The following FLG2 variants were observed in gnomAD, a reference collection of about 807,000 sequenced individuals.
The protein encoded by FLG2 is filaggrin-2.
Under a neutral mutation model 3.9 loss-of-function variants are expected in FLG2, and 7 were observed. The ratio of observed to expected loss-of-function variants is 1.79; its 90% CI spans 1.02 to 3.36. The LOEUF is 3.36. Ranked by LOEUF, FLG2 falls within the 30% of genes most tolerant of loss-of-function variation. The pLI is 0.00. For synonymous variants in FLG2, 1,031 were observed against 1,056.1 expected, an observed-to-expected ratio of 0.98 and a Z score of 0.46; for missense variants, 2,700 against 2,809.4, an observed-to-expected ratio of 0.96 and a Z score of 0.88.
In FLG2 at chr1:152,353,761, C is replaced by T. The variant is rs777832175; in HGVS notation, c.4025G>A (p.Arg1342Lys). The T allele has an allele frequency of 6.2e-6, 10 of 1,614,044 alleles. No homozygotes were observed. The African/African-American group carries it at 1.1e-4, about 17-fold the overall frequency. The change falls in exon 3 of 3, where the codon AGA becomes AAA. Residue 1342 changes from arginine (R) to lysine (K), a missense_variant. Coordinates refer to ENST00000388718, the MANE Select transcript of FLG2 (RefSeq NM_001014342.3). ...GGCATCACTGTGGCTAAATCTCTGTCTTCCAGATGTTCTGGAACCTGTCTG... is the reference window on the plus strand; with the variant it reads ...GGCATCACTGTGGCTAAATCTCTGTTTTCCAGATGTTCTGGAACCTGTCTG... ...STQTGSRTSG[R>K]QRFSHSDATD...
In FLG2 at chr1:152,358,759, A is replaced by G; in HGVS notation, c.126T>C (p.His42=). Residue 42 remains histidine (H), a synonymous_variant, in exon 2 of 3, where the codon CAT becomes CAC. Coordinates refer to ENST00000388718, the MANE Select transcript of FLG2 (RefSeq NM_001014342.3). The part of the protein sequence containing the change: ...ELKELLEKEL[H]PVLKNPDDPD... ...ACATGGCTCTCACCTTCAGAACTGGATGAAGCTCTTTCTCCAGAAGTTCCT... is the reference window on the plus strand; with the variant it reads ...ACATGGCTCTCACCTTCAGAACTGGGTGAAGCTCTTTCTCCAGAAGTTCCT... 6.2e-7 allele frequency: 1 copy of G among 1,613,530 alleles called. No homozygotes were observed. Among genetic ancestry groups the G allele is most frequent in the Non-Finnish European group, 8.5e-7 (1 of 1,179,746 alleles).
rs1653831189 is a variant in FLG2 at position 152,349,581 on chromosome 1, G to A, written c.*1029C>T. The stretch of plus-strand genomic sequence containing the variant: ...ACATATACCCTTACTACCAAAAGAG[G>A]AGATCATGTTAAATACCTTAATTTC... On this transcript the variant is annotated 3_prime_UTR_variant, in exon 3 of 3. Coordinates refer to ENST00000388718, the MANE Select transcript of FLG2 (RefSeq NM_001014342.3). 1 of 152,602 alleles carries A rather than the reference G, an allele frequency of 6.6e-6. No homozygotes were observed. Among genetic ancestry groups the A allele is most frequent in the African/African-American group, 2.4e-5 (1 of 41,436 alleles). 9.5% of individuals were successfully genotyped at this position (152,602 alleles called of 1,614,324 possible).
In FLG2 at chr1:152,352,129, C is replaced by T. The variant is rs1260904440; in HGVS notation, c.5657G>A (p.Ser1886Asn). 6.2e-7 allele frequency: 1 copy of T among 1,613,820 alleles called. No homozygotes were observed. Among genetic ancestry groups the T allele is most frequent in the Non-Finnish European group, 8.5e-7 (1 of 1,179,958 alleles). The change falls in exon 3 of 3, where the codon AGT (serine) becomes AAT (asparagine). Residue 1886 changes from serine to asparagine, a missense_variant. Transcript: ENST00000388718. ...ATGTGAGCCCCCTGAGTGCACTTCA[C>T]TGTCACTGGACTCACTGTGGCCAGA... is the stretch of plus-strand genomic sequence containing the variant. Reference protein sequence around the residue: ...RRSGHSESSDSEVHSGGSHTH... With the variant: ...RRSGHSESSDNEVHSGGSHTH...
At position 152,355,605 on chromosome 1, in the gene FLG2, A is replaced by T; in HGVS notation, c.2181T>A (p.Gly727=). The change falls in exon 3 of 3, where the codon GGT becomes GGA. Residue 727 remains glycine, a synonymous_variant. Coordinates refer to ENST00000388718, the MANE Select transcript of FLG2 (RefSeq NM_001014342.3). ...SGFGQHELSS[G]QSSSFGQHGS... Reference sequence around the variant, plus strand: ...CATGTTGGCCAAAGCTGGAAGACTGACCTGAGCTTAACTCGTGTTGTCCAA... The same window carrying T: ...CATGTTGGCCAAAGCTGGAAGACTGTCCTGAGCTTAACTCGTGTTGTCCAA... 6.2e-7 allele frequency: 1 copy of T among 1,613,090 alleles called. No homozygotes were observed. The highest frequency in any genetic ancestry group is 1.7e-5 in the Admixed American group (1 of 59,926).
chr1:152,353,604 C>A lies in FLG2; in HGVS notation c.4182G>T (p.Gln1394His), dbSNP rs1198235921. 2 of 1,613,960 alleles carry A rather than the reference C, an allele frequency of 1.2e-6. No individual in the cohort carries two copies. The highest frequency in any genetic ancestry group is 1.1e-5 in the South Asian group (1 of 91,078). The part of the protein sequence containing the change: ...VHERHETTYG[Q>H]TGEATGHGHS... Reference sequence around the variant, plus strand: ...GGCCATGTCCAGTGGCCTCTCCTGTCTGTCCATAAGTAGTTTCATGTCTCT... The same window carrying A: ...GGCCATGTCCAGTGGCCTCTCCTGTATGTCCATAAGTAGTTTCATGTCTCT... Residue 1394 changes from glutamine to histidine, a missense_variant, in exon 3 of 3, where the codon CAG becomes CAT. Transcript: ENST00000388718.
intron 1 of FLG2, 67 bp from the exon 2 acceptor site, chr1:152,358,973 A>C: frequency 7.1e-7 from 1 of 1,402,902 alleles, no homozygotes; most frequent in Non-Finnish European, 9.6e-7. Flanking sequence ...TTTTCATTTT[A>C]ATAATAACCA....
Position 152,357,350 on chromosome 1 carries a change from G to A in FLG2, c.436C>T (p.His146Tyr). The change falls in exon 3 of 3, where the codon CAC becomes TAC. Residue 146 changes from histidine (H) to tyrosine (Y), a missense_variant. Coordinates refer to ENST00000388718, the MANE Select transcript of FLG2 (RefSeq NM_001014342.3). ...CTACATTTCACAGTTCCCCTTGAGT[G>A]CCCAGAACTATATCCATGCTCCTCT... is the stretch of plus-strand genomic sequence containing the variant. ...EGEEHGYSSG[H>Y]SRGTVKCRHG... The A allele has an allele frequency of 1.2e-6, 2 of 1,614,110 alleles. No individual in the cohort carries two copies. Among genetic ancestry groups the A allele is most frequent in the East Asian group, 2.2e-5 (1 of 44,878 alleles).
rs376684068 is a variant in FLG2, at chr1:152,355,414, G to T, written c.2372C>A (p.Thr791Lys). 6.2e-7 allele frequency: 1 copy of T among 1,612,656 alleles called. No homozygotes were observed. The highest frequency in any genetic ancestry group is 8.5e-7 in the Non-Finnish European group (1 of 1,179,734). ...SGYGQHGSRQ[T>K]SGFGQHGSGS... is the part of the protein sequence containing the mutation. ...TGACCCATGTTGTCCAAAGCCAGAT[G>T]TCTGTCTAGACCCATGTTGGCCATA... Residue 791 changes from threonine to lysine, a missense_variant, in exon 3 of 3, where the codon ACA becomes AAA. Coordinates refer to ENST00000388718, the MANE Select transcript of FLG2 (RefSeq NM_001014342.3).
intron 2 of FLG2, among the ~76,000 whole-genome samples, chr1:152,357,903 G>T (rs1654310978): frequency 6.6e-6 from 1 of 152,194 alleles, no homozygotes; most frequent in Admixed American, 6.5e-5. Flanking sequence ...CTACAGGAAG[G>T]AGTGGAATAA....
rs145221577 is a variant in FLG2 at position 152,353,966 on chromosome 1, C to T, written c.3820G>A (p.Glu1274Lys). 4.3e-4 allele frequency: 702 copies of T among 1,614,216 alleles called. 3 individuals carry two copies. The African/African-American group carries it at 7.8e-3, about 18-fold the overall frequency. ...VTRRRRSSQSENSDSEVHSKV... is the reference protein window; with the variant it reads ...VTRRRRSSQSKNSDSEVHSKV... ...GAGTGCACTTCACTGTCACTGTTCT[C>T]ACTTTGGCTAGATCTTCGTCTTCTA... The change falls in exon 3 of 3, where the codon GAG becomes AAG. Residue 1274 changes from glutamate (E) to lysine (K), a missense_variant. Transcript: ENST00000388718.
Position 152,351,305 on chromosome 1 carries a change from C to T in FLG2, c.6481G>A (p.Gly2161Ser). 6.2e-7 allele frequency: 1 copy of T among 1,613,924 alleles called. No individual in the cohort carries two copies. Among genetic ancestry groups the T allele is most frequent in the South Asian group, 1.1e-5 (1 of 91,062 alleles). The change falls in exon 3 of 3, where the codon GGT becomes AGT. Residue 2161 changes from glycine to serine, a missense_variant. By Grantham distance (56) the Gly-to-Ser change is moderately conservative. Coordinates refer to ENST00000388718, the MANE Select transcript of FLG2 (RefSeq NM_001014342.3). The stretch of plus-strand genomic sequence containing the variant: ...CCTGTCTGTGTGGACTGTCCATGAC[C>T]AGACTGGCCATGTCTAGTGGTATCT... Reference protein sequence around the residue: ...TGDTTRHGQSGHGQSTQTGSR... With the variant: ...TGDTTRHGQSSHGQSTQTGSR...
chr1:152,359,154 T>C (rs904649835), intron 1 of FLG2, among the ~76,000 whole-genome samples: 1 of 152,204 alleles, frequency 6.6e-6, no homozygotes, highest in African/African-American at 2.4e-5. Flanking sequence ...CTCAAGTCTC[T>C]ATATTTCCTG....
In FLG2 at chr1:152,358,753, A is replaced by G; in HGVS notation, c.132T>C (p.Val44=). 1 of 1,613,302 alleles carries G rather than the reference A, an allele frequency of 6.2e-7. No homozygotes were observed. Among genetic ancestry groups the G allele is most frequent in the Non-Finnish European group, 8.5e-7 (1 of 1,179,654 alleles). The part of the protein sequence containing the change: ...KELLEKELHP[V]LKNPDDPDTV... ...TCTGGCACATGGCTCTCACCTTCAG[A>G]ACTGGATGAAGCTCTTTCTCCAGAA... is the stretch of plus-strand genomic sequence containing the variant. Residue 44 remains valine, a synonymous_variant, in exon 2 of 3, where the codon GTT becomes GTC. Transcript: ENST00000388718.
At position 152,352,700 on chromosome 1, in the gene FLG2, G is replaced by A. The variant is rs757992022; in HGVS notation, c.5086C>T (p.His1696Tyr). 5 of 1,613,942 alleles carry A rather than the reference G, an allele frequency of 3.1e-6. No homozygotes were observed. In the South Asian group the frequency reaches 4.4e-5, roughly 14 times the overall value. ...SIVPERHGTT[H>Y]GQTGDTTRHA... ...CTAGTGGTATCTCCTGTCTGTCCAT[G>A]AGTAGTTCCATGTCTCTCAGGAACT... The change falls in exon 3 of 3, where the codon CAT becomes TAT. Residue 1696 changes from histidine to tyrosine, a missense_variant. Transcript: ENST00000388718.
rs1177964746 is a variant in FLG2, at chr1:152,349,612, T to G, written c.*998A>C. 3 of 152,690 alleles carry G rather than the reference T, an allele frequency of 2.0e-5. No homozygotes were observed. The highest frequency in any genetic ancestry group is 2.9e-5 in the Non-Finnish European group (2 of 68,062). The allele number at this position is 152,690 out of a possible 1,614,324, so 9.5% of individuals were successfully genotyped here. ...ATGTTAAATACCTTAATTTCATGTA[T>G]GTGTCTCATTTCTTCTCTGGGTTAG... On this transcript the variant is annotated 3_prime_UTR_variant, in exon 3 of 3. Transcript: ENST00000388718.
chr1:152,357,496 G>A lies in FLG2; in HGVS notation c.290C>T (p.Ser97Leu). The change falls in exon 3 of 3, where the codon TCA (serine) becomes TTA (leucine). Residue 97 changes from serine (S) to leucine (L), a missense_variant. Physicochemically the swap from Ser to Leu is moderately radical, Grantham distance 145. Transcript: ENST00000388718. ...KVLSKEYCKA[S>L]GSKKHRRGHR... ...ACCACGCCTATGCTTCTTTGACCCT[G>A]AAGCTTTGCAGTATTCTTTGCTGAG... 6.2e-7 allele frequency: 1 copy of A among 1,614,044 alleles called. No individual in the cohort carries two copies. Among genetic ancestry groups the A allele is most frequent in the East Asian group, 2.2e-5 (1 of 44,874 alleles).
In FLG2 at chr1:152,357,337, GT is replaced by G; in HGVS notation, c.448del (p.Thr150LeufsTer2). On this transcript the variant is annotated frameshift_variant, in exon 3 of 3. Transcript: ENST00000388718. LOFTEE classifies it low-confidence loss of function (END_TRUNC). ...HGYSSGHSRG[T>X]VKCRHGSNSR... ...GTTGGACCCATGTCTACATTTCACA[GT>G]TCCCCTTGAGTGCCCAGAACTATAT... 1.2e-6 allele frequency: 2 copies of G among 1,614,104 alleles called. No homozygotes were observed. The highest frequency in any genetic ancestry group is 1.7e-6 in the Non-Finnish European group (2 of 1,180,030).
Position 152,353,805 on chromosome 1 carries a change from A to G in FLG2, c.3981T>C (p.Ser1327=), listed in dbSNP as rs774027744. 7.4e-6 allele frequency: 12 copies of G among 1,613,942 alleles called. No homozygotes were observed. In the Admixed American group the frequency reaches 1.8e-4, roughly 25 times the overall value. Residue 1327 remains serine (S), a synonymous_variant, in exon 3 of 3, where the codon TCT becomes TCC. Coordinates refer to ENST00000388718, the MANE Select transcript of FLG2 (RefSeq NM_001014342.3). ...QRGDTTRHGH[S]GHGQSTQTGS... ...CTGTCTGTGTAGACTGTCCATGACCAGAATGGCCATGTCTAGTGGTATCTC... is the reference window on the plus strand; with the variant it reads ...CTGTCTGTGTAGACTGTCCATGACCGGAATGGCCATGTCTAGTGGTATCTC...
In FLG2 at chr1:152,355,502, C is replaced by T. The variant is rs766964062; in HGVS notation, c.2284G>A (p.Glu762Lys). Residue 762 changes from glutamate to lysine, a missense_variant, in exon 3 of 3, where the codon GAG becomes AAG. Transcript: ENST00000388718. ...TAGCTAGACTGACCTGATCTAGACT[C>T]ATGTTGTCCAAAGCCAGAGGATTGT... Reference protein sequence around the residue: ...SGQSSGFGQHESRSGQSSYGQ... With the variant: ...SGQSSGFGQHKSRSGQSSYGQ... 1.7e-5 allele frequency: 28 copies of T among 1,613,002 alleles called. No individual in the cohort carries two copies. The highest frequency in any genetic ancestry group is 2.2e-5 in the Non-Finnish European group (26 of 1,179,878).
Sources: gnomAD v4.1 joint callset for allele counts (sites outside exome capture counted in the v4.1 genomes callset) on GRCh38, gnomAD v4.1.1 for gene constraint, MANE v1.5 for transcripts, NCBI Gene and HGNC (gene_info 2026-07-23, HGNC 2026-07-21) for gene names.